Variants in AMPH observed in about 807,000 individuals in gnomAD.
AMPH encodes amphiphysin.
In AMPH, 49 loss-of-function variants were observed where a neutral mutation model predicts 99.1. That is an observed-to-expected ratio of 0.49 (90% CI 0.39 to 0.63). The LOEUF (loss-of-function observed/expected upper bound fraction) is 0.63. Among genes scored for constraint, AMPH ranks in the 20% least tolerant of loss-of-function variants. The probability of loss-of-function intolerance (pLI) is 0.00; values close to 1 mark genes in which losing one functional copy is unlikely to be tolerated. For synonymous variants in AMPH, 314 were observed against 317.3 expected (o/e 0.99, Z 0.11); for missense variants, 759 against 863.4 (o/e 0.88, Z 1.52).
chr7:38,426,652 G>A (rs1205946093), intron 15 of AMPH, among the ~76,000 whole-genome samples: 1 of 152,200 alleles, frequency 6.6e-6, no homozygotes. Context: ...ATCGGTAGAA[G>A]GTAGAAGCCC....
In AMPH at chr7:38,428,005, GGC is replaced by G. The variant is rs202101290; in HGVS notation, c.1183-1021_1183-1020del. 2.5e-3 allele frequency: 1,158 copies of G among 456,616 alleles called. 15 individuals are homozygous for G. The highest frequency in any genetic ancestry group is 0.022 in the African/African-American group (1,087 of 50,148). 28.3% of individuals were successfully genotyped at this position (456,616 alleles called of 1,614,324 possible). On this transcript the variant is annotated intron_variant, in intron 14 of 20. Coordinates refer to ENST00000356264, the MANE Select transcript of AMPH (RefSeq NM_001635.4). ...AAAATCAATGGTCTTGCTATCTCCT[GGC>G]TTTGTTCCCAGCAGCTAGCAATGGC...
intron 2 of AMPH, 81 bp downstream of exon 2, chr7:38,534,850 C>T: frequency 3.3e-6 from 4 of 1,211,178 alleles, no homozygotes; most frequent in Non-Finnish European, 3.6e-6. Flanking sequence ...TTTTTTTAAT[C>T]TTAATGCATT....
chr7:38,415,226 G>T (rs775520381), intron 17 of AMPH, among the ~76,000 whole-genome samples: 12 of 152,040 alleles, frequency 7.9e-5, no homozygotes, highest in African/African-American at 2.7e-4. Context: ...GAAATTATAC[G>T]TGCCTCTTTA....
At chr7:38,615,262 C>G (rs1385322495) in intron 1 of AMPH, among the ~76,000 whole-genome samples, 3 of 152,128 alleles carry the variant, frequency 2.0e-5, no homozygotes, top group Non-Finnish European at 2.9e-5. Flanking sequence ...AGGTTCACTA[C>G]GAGGGTGAAA....
chr7:38,620,379 AAAG>A (rs1794014248), intron 1 of AMPH, among the ~76,000 whole-genome samples: 1 of 135,416 alleles, frequency 7.4e-6, no homozygotes, highest in African/African-American at 2.9e-5. Flanking sequence ...TGTGTGTGTT[AAAG>A]AAGCAGGATG....
At chr7:38,558,018 T>C (rs186449165) in intron 1 of AMPH, among the ~76,000 whole-genome samples, 1,631 of 149,404 alleles carry the variant, frequency 0.011, 33 homozygotes, top group African/African-American at 0.038. Context: ...AAAAAAAAAG[T>C]ATTTCATGTT....
At chr7:38,577,363 T>C (rs891849463) in intron 1 of AMPH, among the ~76,000 whole-genome samples, 9 of 152,024 alleles carry the variant, frequency 5.9e-5, no homozygotes, top group African/African-American at 2.2e-4. Flanking sequence ...CTCATACGAG[T>C]CTTCGCTTCT....
In AMPH at chr7:38,441,841, T is replaced by TA. The variant is rs57153687; in HGVS notation, c.1018-5454_1018-5453insT. ...TATCATATATCATATATATCATATA[T>TA]CATATATATCATATATATCATATAT... is the stretch of plus-strand genomic sequence containing the variant. On this transcript the variant is annotated intron_variant, in intron 11 of 20. Transcript: ENST00000356264. Among the ~76,000 whole-genome samples the TA allele has an allele frequency of 2.9e-5, 3 of 103,792 alleles. No homozygotes were observed. The South Asian group carries it at 1.1e-3, about 37-fold the overall frequency. 68.1% of individuals were successfully genotyped at this position (103,792 alleles called of 152,430 possible).
chr7:38,477,063 C>G, intron 5 of AMPH, 94 bp from the exon 6 acceptor site: 1 of 1,035,830 alleles, frequency 9.7e-7, no homozygotes. Context: ...TTGGCCAGAG[C>G]TGCTGAGGAT....
chr7:38,570,410 A>G lies in AMPH; in HGVS notation c.70-35399T>C, dbSNP rs148998292. Reference sequence around the variant, plus strand: ...ACAGTACAGTCATGAGCCGCATAATAATGTTTTGTGTCAAAGACAGATCAA... The same window carrying G: ...ACAGTACAGTCATGAGCCGCATAATGATGTTTTGTGTCAAAGACAGATCAA... On this transcript the variant is annotated intron_variant, in intron 1 of 20. Transcript: ENST00000356264. Among the ~76,000 whole-genome samples, 192 of 152,270 alleles carry G rather than the reference A, an allele frequency of 1.3e-3. 1 individual carries two copies. Among genetic ancestry groups the G allele is most frequent in the African/African-American group, 4.5e-3 (188 of 41,552 alleles).
At chr7:38,474,861 G>A (rs953819675) in intron 7 of AMPH, among the ~76,000 whole-genome samples, 3 of 152,106 alleles carry the variant, frequency 2.0e-5, no homozygotes, top group Non-Finnish European at 4.4e-5. Context: ...TAAAAGTCAG[G>A]GCTTAAAGTA....
chr7:38,477,707 C>T (rs1788137235), intron 5 of AMPH, among the ~76,000 whole-genome samples: 1 of 152,034 alleles, frequency 6.6e-6, no homozygotes, highest in African/African-American at 2.4e-5. Flanking sequence ...ACAACAACAA[C>T]AACCACAAAA....
At chr7:38,626,020 A>G (rs1794228796) in intron 1 of AMPH, among the ~76,000 whole-genome samples, 2 of 152,248 alleles carry the variant, frequency 1.3e-5, no homozygotes, top group African/African-American at 4.8e-5. Context: ...AAATTTACAT[A>G]TCTTCACCAT....
In AMPH at chr7:38,432,211, G is replaced by A. The variant is rs1349118972; in HGVS notation, c.1136C>T (p.Thr379Ile). Residue 379 changes from threonine (T) to isoleucine (I), a missense_variant and splice_region_variant, in exon 13 of 21, where the codon ACA becomes ATA. Coordinates refer to ENST00000356264, the MANE Select transcript of AMPH (RefSeq NM_001635.4). ...AGVTHSPMSQ[T>I]LPWDLWTTST... ...TACCGTCCATAGGTCCCAGGGCAAT[G>A]TCTGAAAGCAAATAAACAAAAATAC... is the stretch of plus-strand genomic sequence containing the variant. 6.2e-7 allele frequency: 1 copy of A among 1,612,538 alleles called. No homozygotes were observed. Among genetic ancestry groups the A allele is most frequent in the Non-Finnish European group, 8.5e-7 (1 of 1,178,588 alleles).
At chr7:38,407,048 C>CTCTCTCTCTCTATATA (rs1241166935) in intron 17 of AMPH, among the ~76,000 whole-genome samples, 6 of 31,256 alleles carry the variant, frequency 1.9e-4, no homozygotes, top group Non-Finnish European at 2.5e-4. Flanking sequence ...CTCTCTCTCT[C>CTCTCTCTCTCTATATA]TATATATATA....
At chr7:38,610,790 T>A (rs867643165) in intron 1 of AMPH, among the ~76,000 whole-genome samples, 1 of 151,978 alleles carries the variant, frequency 6.6e-6, no homozygotes, top group African/African-American at 2.4e-5. Context: ...TTTAGTAACA[T>A]AGCAAACAAA....
chr7:38,429,699 G>T, intron 14 of AMPH, 143 bp downstream of exon 14: 3 of 1,275,436 alleles, frequency 2.4e-6, no homozygotes, highest in Non-Finnish European at 2.2e-6. Flanking sequence ...AACCAAACTG[G>T]AAAGTGATTA....
chr7:38,527,082 G>T (rs929710266), intron 2 of AMPH, among the ~76,000 whole-genome samples: 7 of 152,126 alleles, frequency 4.6e-5, no homozygotes, highest in Non-Finnish European at 8.8e-5. Context: ...ATTTGTGTGG[G>T]TCTATTTCTT....
intron 10 of AMPH, 134 bp downstream of exon 10, chr7:38,462,841 G>A: frequency 2.1e-6 from 2 of 959,288 alleles, no homozygotes; most frequent in African/African-American, 1.6e-5. Flanking sequence ...CAATCACAAT[G>A]CCTAAAGCCT....
Sources: gnomAD v4.1 joint callset for allele counts (sites outside exome capture counted in the v4.1 genomes callset) on GRCh38, gnomAD v4.1.1 for gene constraint, MANE v1.5 for transcripts, NCBI Gene and HGNC (gene_info 2026-07-23, HGNC 2026-07-21) for gene names.